Variants in KIAA1671 observed in about 807,000 individuals in gnomAD.
KIAA1671 encodes KIAA1671, also known as uncharacterized protein KIAA1671.
Under a neutral mutation model 131.2 loss-of-function variants are expected in KIAA1671, and 52 were observed. The observed-to-expected ratio is 0.40, with a 90% CI of 0.32 to 0.50. The LOEUF is 0.50. KIAA1671 is among the 20% of genes least tolerant of loss of function. The pLI is 0.73. For missense variants in KIAA1671, 2,360 were observed against 2,364.2 expected, an observed-to-expected ratio of 1.00 and a Z score of 0.04; for synonymous variants, 1,003 against 961.6, an observed-to-expected ratio of 1.04 and a Z score of -0.80.
chr22:25,143,375 A>G (rs1932833474), intron 6 of KIAA1671, among the ~76,000 whole-genome samples: 3 of 152,234 alleles, frequency 2.0e-5, no homozygotes, highest in Non-Finnish European at 4.4e-5. Context: ...TCAGAAAGCA[A>G]CTGCCTTTTG....
intron 6 of KIAA1671, among the ~76,000 whole-genome samples, chr22:25,090,320 T>A (rs574365055): frequency 6.6e-6 from 1 of 152,354 alleles, no homozygotes; most frequent in African/African-American, 2.4e-5. Context: ...AAGCCCACAA[T>A]GGCAGGCTGT....
At chr22:25,087,986 G>A (rs987297066) in intron 6 of KIAA1671, among the ~76,000 whole-genome samples, 5 of 152,204 alleles carry the variant, frequency 3.3e-5, no homozygotes, top group African/African-American at 4.8e-5. Flanking sequence ...GAGATGCTGG[G>A]TATAAATTGG....
At chr22:25,093,737 A>ACACACT (rs1568950992) in intron 6 of KIAA1671, among the ~76,000 whole-genome samples, 22 of 30,144 alleles carry the variant, frequency 7.3e-4, no homozygotes, top group Non-Finnish European at 1.2e-3. Context: ...ACACACACAC[A>ACACACT]CTCTCTCTCT....
At chr22:24,983,736 G>A (rs1923355566) in intron 1 of KIAA1671, among the ~76,000 whole-genome samples, 1 of 150,238 alleles carries the variant, frequency 6.7e-6, no homozygotes, top group African/African-American at 2.5e-5. Context: ...CTGGGGGTCT[G>A]GGGGCCTGGG....
At chr22:25,099,780 T>C (rs1305342739) in intron 6 of KIAA1671, among the ~76,000 whole-genome samples, 1 of 152,124 alleles carries the variant, frequency 6.6e-6, no homozygotes, top group Admixed American at 6.5e-5. Context: ...CCCGAGGTAC[T>C]GGTATTACAG....
intron 6 of KIAA1671, among the ~76,000 whole-genome samples, chr22:25,114,412 T>G (rs552225904): frequency 1.3e-5 from 2 of 152,352 alleles, no homozygotes; most frequent in South Asian, 4.1e-4. Flanking sequence ...CTCTGTTGCT[T>G]GCCTAGATAC....
intron 4 of KIAA1671, among the ~76,000 whole-genome samples, chr22:25,033,726 C>T (rs1347784447): frequency 1.4e-4 from 21 of 151,210 alleles, no homozygotes; most frequent in Non-Finnish European, 2.9e-4. Flanking sequence ...CTACAGGTGC[C>T]CGCCACCATG....
At chr22:25,145,228 T>G (rs1437466656) in intron 6 of KIAA1671, among the ~76,000 whole-genome samples, 1 of 152,108 alleles carries the variant, frequency 6.6e-6, no homozygotes. Flanking sequence ...GGAGGAAGAA[T>G]AAAAAATACC....
At chr22:24,979,354 A>T (rs145008343) in intron 1 of KIAA1671, among the ~76,000 whole-genome samples, 34,112 of 116,484 alleles carry the variant, frequency 0.29, 4,725 homozygotes, top group African/African-American at 0.36. Flanking sequence ...TTATTTATTT[A>T]TTTATTTTTT....
intron 1 of KIAA1671, among the ~76,000 whole-genome samples, chr22:25,002,123 G>A (rs1039776282): frequency 6.6e-6 from 1 of 152,082 alleles, no homozygotes; most frequent in East Asian, 1.9e-4. Context: ...CCTAAAAAAC[G>A]AGCAGGCTTG....
intron 6 of KIAA1671, among the ~76,000 whole-genome samples, chr22:25,094,479 G>A (rs981100103): frequency 5.9e-5 from 9 of 152,060 alleles, no homozygotes; most frequent in Non-Finnish European, 2.9e-5. Context: ...CAGGCCCTGG[G>A]GTGGGAAGTA....
intron 6 of KIAA1671, chr22:25,063,545 T>C (rs1466195705): frequency 6.9e-6 from 1 of 145,432 alleles, no homozygotes; most frequent in Non-Finnish European, 1.5e-5. Flanking sequence ...ATCATGGAAT[T>C]TGGGGACTTG....
rs558651914 is a variant in KIAA1671 at position 25,112,155 on chromosome 22, TCCCTCTCCTCCTGGCTGGC to T, written c.4531-58661_4531-58643del. 2.4e-3 allele frequency: 952 copies of T among 398,924 alleles called. 1 individual carries two copies. The highest frequency in any genetic ancestry group is 3.3e-3 in the Non-Finnish European group (754 of 226,148). 24.7% of individuals were successfully genotyped at this position (398,924 alleles called of 1,614,324 possible). A position where few individuals can be genotyped will look rare whatever the true frequency, so the allele number is the denominator to read the frequency against. On this transcript the variant is annotated intron_variant, in intron 6 of 12. Transcript: ENST00000358431. ...CTCTCTCCCTCCCTAACTTCCTTCT[TCCCTCTCCTCCTGGCTGGC>T]CCCATGGATTACCTGGGAGATAAAC...
chr22:25,163,220 C>G (rs1236704079), intron 6 of KIAA1671, among the ~76,000 whole-genome samples: 1 of 151,144 alleles, frequency 6.6e-6, no homozygotes, highest in Non-Finnish European at 1.5e-5. Context: ...CCCAGCTACT[C>G]AGGAGGCTAA....
Position 25,029,502 on chromosome 22 carries a change from G to T in KIAA1671, c.1503G>T (p.Thr501=). Residue 501 remains threonine, a synonymous_variant, in exon 3 of 13, where the codon ACG becomes ACT. Transcript: ENST00000358431. ...SEAKPEVRRR[T]FQARPLSADL... The stretch of plus-strand genomic sequence containing the variant: ...CTAAGCCCGAGGTCAGGAGGAGGAC[G>T]TTCCAGGCTCGGCCGCTGTCGGCGG... The T allele has an allele frequency of 1.3e-6, 2 of 1,549,116 alleles. No homozygotes were observed. Among genetic ancestry groups the T allele is most frequent in the Non-Finnish European group, 1.7e-6 (2 of 1,145,652 alleles).
intron 9 of KIAA1671, among the ~76,000 whole-genome samples, chr22:25,181,169 G>A (rs763144226): frequency 1.8e-4 from 27 of 152,134 alleles, no homozygotes; most frequent in Non-Finnish European, 3.4e-4. Flanking sequence ...GAGTGGGATA[G>A]GCAGCCCATC....
intron 6 of KIAA1671, among the ~76,000 whole-genome samples, chr22:25,066,289 C>G (rs1461470966): frequency 6.6e-6 from 1 of 152,230 alleles, no homozygotes; most frequent in African/African-American, 2.4e-5. Flanking sequence ...GCTGAGACTA[C>G]AGGCACACAC....
At chr22:25,156,384 C>T (rs758876541) in intron 6 of KIAA1671, among the ~76,000 whole-genome samples, 3 of 151,416 alleles carry the variant, frequency 2.0e-5, no homozygotes, top group Non-Finnish European at 2.9e-5. Context: ...TGTGTGTATG[C>T]ATTTGTGTGT....
At chr22:25,188,333 C>T (rs1934546282) in intron 11 of KIAA1671, among the ~76,000 whole-genome samples, 1 of 149,554 alleles carries the variant, frequency 6.7e-6, no homozygotes. Context: ...AAACAAATCT[C>T]ACCTCCCCAA....
Sources: gnomAD v4.1 joint callset for allele counts (sites outside exome capture counted in the v4.1 genomes callset) on GRCh38, gnomAD v4.1.1 for gene constraint, MANE v1.5 for transcripts, NCBI Gene and HGNC (gene_info 2026-07-23, HGNC 2026-07-21) for gene names.